Variants in MINDY4 observed in about 807,000 individuals in gnomAD.
MINDY4 encodes the protein MINDY lysine 48 deubiquitinase 4, also known as probable ubiquitin carboxyl-terminal hydrolase MINDY-4.
A neutral mutation model predicts 87.0 loss-of-function variants in MINDY4; 68 were observed. That is an observed-to-expected ratio of 0.78 (90% CI 0.64 to 0.96). The LOEUF is 0.96. MINDY4 is among the 40% of genes least tolerant of loss of function. MINDY4 has a pLI of 0.00. For missense variants in MINDY4, 919 were observed against 928.2 expected (o/e 0.99, Z 0.13); for synonymous variants, 379 against 363.2 (o/e 1.04, Z -0.50).
At chr7:30,889,583 G>C (rs972694922) in intron 17 of MINDY4, among the ~76,000 whole-genome samples, 5 of 152,228 alleles carry the variant, frequency 3.3e-5, no homozygotes, top group Non-Finnish European at 7.3e-5. Flanking sequence ...GAGCAGTGAA[G>C]ATGAACGCTC....
intron 5 of MINDY4, among the ~76,000 whole-genome samples, chr7:30,792,616 A>G (rs1239337167): frequency 2.6e-5 from 4 of 152,146 alleles, no homozygotes; most frequent in Non-Finnish European, 4.4e-5. Context: ...TGGCCACTTT[A>G]TATGTGTGTT....
chr7:30,877,697 T>TTTTC (rs372263978), intron 15 of MINDY4, among the ~76,000 whole-genome samples: 112 of 148,008 alleles, frequency 7.6e-4, no homozygotes, highest in African/African-American at 2.7e-3. Context: ...TTTTTTTTTT[T>TTTTC]TTGAGACAAG....
chr7:30,828,819 G>A (rs1193935277), intron 6 of MINDY4, 82 bp downstream of exon 6: 3 of 1,426,686 alleles, frequency 2.1e-6, no homozygotes, highest in East Asian at 2.3e-5. Context: ...ATGGGTGGTC[G>A]GGGGCCCCTT....
rs552374306 is a variant in MINDY4, at chr7:30,838,684, C to A, written c.1240-516C>A. ...AACCCTGCACTAGAGCACTGGCTCT[C>A]AAACCCGGCACACTGTGGAATCACC... On this transcript the variant is annotated intron_variant, in intron 7 of 17. Coordinates refer to ENST00000265299, the MANE Select transcript of MINDY4 (RefSeq NM_032222.3). 1.4e-3 allele frequency among the ~76,000 whole-genome samples: 206 copies of A among 152,290 alleles called. 1 individual carries two copies. The highest frequency in any genetic ancestry group is 4.5e-3 in the African/African-American group (187 of 41,574).
chr7:30,818,303 A>C (rs758383463), intron 5 of MINDY4, among the ~76,000 whole-genome samples: 6 of 152,086 alleles, frequency 3.9e-5, no homozygotes, highest in Admixed American at 6.6e-5. Flanking sequence ...TGGCTGATAC[A>C]GTTGTCTATT....
chr7:30,827,789 G>A (rs543324000), intron 5 of MINDY4, among the ~76,000 whole-genome samples: 2 of 152,222 alleles, frequency 1.3e-5, no homozygotes, highest in East Asian at 3.9e-4. Flanking sequence ...ATCTTCAGGA[G>A]GAAACCAATT....
chr7:30,787,292 T>C (rs1562530622), intron 4 of MINDY4, among the ~76,000 whole-genome samples: 2 of 152,232 alleles, frequency 1.3e-5, no homozygotes, highest in Non-Finnish European at 2.9e-5. Context: ...TCATACCCCA[T>C]TCTAGGCCTT....
intron 15 of MINDY4, among the ~76,000 whole-genome samples, chr7:30,876,083 G>T (rs1248370572): frequency 1.3e-5 from 2 of 152,048 alleles, no homozygotes; most frequent in East Asian, 3.9e-4. Flanking sequence ...AGTTCTGGAG[G>T]CTGGAAGTCC....
At chr7:30,778,382 G>A (rs11762566) in intron 1 of MINDY4, 50 bp from the exon 2 acceptor site, 184,306 of 1,611,666 alleles carry the variant, frequency 0.11, 12,024 homozygotes, top group Admixed American at 0.17. Flanking sequence ...TATGAGAACA[G>A]CGGGTTTTGA....
intron 5 of MINDY4, among the ~76,000 whole-genome samples, chr7:30,794,423 G>A (rs1787418702): frequency 6.6e-6 from 1 of 152,162 alleles, no homozygotes; most frequent in Non-Finnish European, 1.5e-5. Flanking sequence ...GGAAGCTGGA[G>A]GAGAGGGAGC....
At chr7:30,883,084 T>C in intron 17 of MINDY4, 91 bp downstream of exon 17, 1 of 1,275,694 alleles carries the variant, frequency 7.8e-7, no homozygotes, top group Non-Finnish European at 1.1e-6. Flanking sequence ...GGAAGGCAGA[T>C]AGGTTCCTGG....
intron 1 of MINDY4, among the ~76,000 whole-genome samples, chr7:30,773,259 G>A (rs1423481538): frequency 6.6e-6 from 1 of 152,200 alleles, no homozygotes; most frequent in Non-Finnish European, 1.5e-5. Context: ...GTACCTAGAA[G>A]GTGCTGGTTT....
Position 30,782,851 on chromosome 7 carries a change from A to C in MINDY4, c.419+639A>C, listed in dbSNP as rs1217331286. 2.0e-5 allele frequency among the ~76,000 whole-genome samples: 3 copies of C among 152,340 alleles called. No homozygotes were observed. The East Asian group carries it at 5.8e-4, about 29-fold the overall frequency. On this transcript the variant is annotated intron_variant, in intron 3 of 17. Transcript: ENST00000265299. ...ATCTTGAGCAAGAATTTATTTGAGA[A>C]ACATCAGATTTTGCTCTTAAGGCCT...
chr7:30,772,329 C>A (rs1023820047), intron 1 of MINDY4, among the ~76,000 whole-genome samples: 4 of 152,160 alleles, frequency 2.6e-5, no homozygotes, highest in African/African-American at 9.7e-5. Flanking sequence ...TATGAAAACA[C>A]ATACACGTAA....
chr7:30,846,745 A>G (rs552954998), intron 9 of MINDY4, among the ~76,000 whole-genome samples: 14 of 118,026 alleles, frequency 1.2e-4, no homozygotes, highest in Non-Finnish European at 1.7e-4. Flanking sequence ...GTGGAAGACA[A>G]TTTTTCCATG....
chr7:30,891,780 G>T lies in MINDY4; in HGVS notation c.2226-177G>T, dbSNP rs540911507. Among the ~76,000 whole-genome samples the T allele has an allele frequency of 2.6e-5, 4 of 152,296 alleles. No homozygotes were observed. The South Asian group carries it at 8.3e-4, about 32-fold the overall frequency. ...GGGGTCCTAGGTGTATTTGTGTTTC[G>T]TAAGAGACTGGTGTGTGGGTTTGTG... On this transcript the variant is annotated intron_variant, in intron 17 of 17. Transcript: ENST00000265299.
At chr7:30,774,954 T>C (rs1226417850) in intron 1 of MINDY4, among the ~76,000 whole-genome samples, 1 of 152,174 alleles carries the variant, frequency 6.6e-6, no homozygotes, top group Non-Finnish European at 1.5e-5. Context: ...TATCTCTAGC[T>C]GAGACCTCTC....
chr7:30,845,105 G>T (rs1379859226), intron 9 of MINDY4, among the ~76,000 whole-genome samples: 1 of 152,196 alleles, frequency 6.6e-6, no homozygotes, highest in East Asian at 1.9e-4. Context: ...ATGGAGCAGT[G>T]GGGGCCCAGG....
Position 30,817,083 on chromosome 7 carries a change from G to C in MINDY4, c.1074-11596G>C, listed in dbSNP as rs947475843. Among the ~76,000 whole-genome samples the C allele has an allele frequency of 3.3e-5, 5 of 152,310 alleles. No individual in the cohort carries two copies. The South Asian group carries it at 8.3e-4, about 25-fold the overall frequency. On this transcript the variant is annotated intron_variant, in intron 5 of 17. Transcript: ENST00000265299. ...ATGCATGTGAATATCCAGTGGCCAA[G>C]GGAGGTAGAGGAAGCCCCTCCGGAG...
Sources: allele counts gnomAD v4.1 joint callset (sites outside exome capture counted in the v4.1 genomes callset), GRCh38; gene constraint gnomAD v4.1.1; transcripts MANE v1.5; gene names NCBI Gene and HGNC (gene_info 2026-07-23, HGNC 2026-07-21).